The following HES7 variants were observed in gnomAD, a reference collection of about 807,000 sequenced individuals.
HES7 encodes the protein hes family bHLH transcription factor 7.
A neutral mutation model predicts 18.0 loss-of-function variants in HES7; 8 were observed. That is an observed-to-expected ratio of 0.45 (90% CI 0.26 to 0.80). HES7 has a LOEUF of 0.80. Among genes scored for constraint, HES7 ranks in the 30% least tolerant of loss-of-function variants. The pLI is 0.18. For missense variants in HES7, 356 were observed against 340.9 expected (o/e 1.04, Z -0.35); for synonymous variants, 170 against 158.6 (o/e 1.07, Z -0.54).
At chr17:8,125,221 G>A (rs1372175092), upstream of HES7, among the ~76,000 whole-genome samples, 1 of 152,204 alleles carries the variant, frequency 6.6e-6, no homozygotes, top group Non-Finnish European at 1.5e-5. Flanking sequence ...CGGAAAGACA[G>A]GGTTGCAGAC....
At chr17:8,124,666 C>T (rs1483229678), upstream of HES7, among the ~76,000 whole-genome samples, 1 of 152,166 alleles carries the variant, frequency 6.6e-6, no homozygotes, top group Non-Finnish European at 1.5e-5. Flanking sequence ...GCCCACTCTG[C>T]GGACAGGGCA....
chr17:8,123,178 G>A lies in HES7; in HGVS notation c.43-52C>T. On this transcript the variant is annotated intron_variant, in intron 1 of 3. Transcript: ENST00000541682. The surrounding 1 kb of genome is among the most constrained non-coding windows in gnomAD (Gnocchi z 5.9). Reference sequence around the variant, plus strand: ...GGCCGACCAGACCGAGACTCAGTGCGGCCGCCCCGGCGTCGGATCCCGCCG... The same window carrying A: ...GGCCGACCAGACCGAGACTCAGTGCAGCCGCCCCGGCGTCGGATCCCGCCG... 1.4e-6 allele frequency: 2 copies of A among 1,426,446 alleles called. No individual in the cohort carries two copies. The highest frequency in any genetic ancestry group is 1.9e-6 in the Non-Finnish European group (2 of 1,038,444). The allele number at this position is 1,426,446 out of a possible 1,614,324, so 88.4% of individuals were successfully genotyped here.
rs1248352722 is a variant in HES7 at position 8,120,990 on chromosome 17, G to A, written c.*581C>T. 4 of 152,716 alleles carry A rather than the reference G, an allele frequency of 2.6e-5. No homozygotes were observed. Among genetic ancestry groups the A allele is most frequent in the Admixed American group, 6.5e-5 (1 of 15,280 alleles). 9.5% of individuals were successfully genotyped at this position (152,716 alleles called of 1,614,324 possible). A position where few individuals can be genotyped will look rare whatever the true frequency, so the allele number is the denominator to read the frequency against. On this transcript the variant is annotated 3_prime_UTR_variant, in exon 4 of 4. Transcript: ENST00000541682. Reference sequence around the variant, plus strand: ...ACGAATAGAGCAATTCAAAGGTTGTGGGTTCGAATCCCACCAGAGTCGATT... The same window carrying A: ...ACGAATAGAGCAATTCAAAGGTTGTAGGTTCGAATCCCACCAGAGTCGATT...
Position 8,121,945 on chromosome 17 carries a change from G to A in HES7, c.319C>T (p.Arg107Cys), listed in dbSNP as rs754563797. The A allele has an allele frequency of 6.4e-7, 1 of 1,560,460 alleles. No homozygotes were observed. The highest frequency in any genetic ancestry group is 2.4e-5 in the East Asian group (1 of 41,448). ...GCGTCGTGCGCGAAGGCCGCCAAGCGAAGCAGGCACTCGCGGAAACCGGAC... is the reference window on the plus strand; with the variant it reads ...GCGTCGTGCGCGAAGGCCGCCAAGCAAAGCAGGCACTCGCGGAAACCGGAC... Reference protein sequence around the residue: ...YLSGFRECLLRLAAFAHDASP... With the variant: ...YLSGFRECLLCLAAFAHDASP... Residue 107 changes from arginine to cysteine, a missense_variant, in exon 4 of 4, where the codon CGC becomes TGC. Coordinates refer to ENST00000541682, the MANE Select transcript of HES7 (RefSeq NM_001165967.2).
chr17:8,125,721 G>A (rs3027275), upstream of HES7, among the ~76,000 whole-genome samples: 258 of 152,316 alleles, frequency 1.7e-3, 2 homozygotes, highest in Non-Finnish European at 2.1e-3. Flanking sequence ...TCTCAGATAG[G>A]ATCCCCGCAG....
Position 8,123,604 on chromosome 17 carries a change from C to T in HES7, c.42+439G>A, listed in dbSNP as rs1981475280. On this transcript the variant is annotated intron_variant, in intron 1 of 3. Coordinates refer to ENST00000541682, the MANE Select transcript of HES7 (RefSeq NM_001165967.2). The surrounding 1 kb of genome is among the most constrained non-coding windows in gnomAD (Gnocchi z 5.9). Reference sequence around the variant, plus strand: ...TTCTCCACGGTTCTCCTAAAATCTTCCACCAGTCTGGGGCCTCTGGAACCA... The same window carrying T: ...TTCTCCACGGTTCTCCTAAAATCTTTCACCAGTCTGGGGCCTCTGGAACCA... 1 of 316,140 alleles carries T rather than the reference C, an allele frequency of 3.2e-6. No individual in the cohort carries two copies. The highest frequency in any genetic ancestry group is 5.9e-6 in the Non-Finnish European group (1 of 168,436). 19.6% of individuals were successfully genotyped at this position (316,140 alleles called of 1,614,324 possible). A position where few individuals can be genotyped will look rare whatever the true frequency, so the allele number is the denominator to read the frequency against.
At chr17:8,125,782 C>T (rs1016192873), upstream of HES7, among the ~76,000 whole-genome samples, 3 of 152,198 alleles carry the variant, frequency 2.0e-5, no homozygotes, top group African/African-American at 7.2e-5. Flanking sequence ...TCGCCTGCCA[C>T]GCGGGAGGCC....
Position 8,122,310 on chromosome 17 carries a change from C to T in HES7, c.226+33G>A. 1.4e-6 allele frequency: 2 copies of T among 1,381,206 alleles called. No homozygotes were observed. The highest frequency in any genetic ancestry group is 2.0e-6 in the Non-Finnish European group (2 of 992,130). The allele number at this position is 1,381,206 out of a possible 1,614,324, so 85.6% of individuals were successfully genotyped here. ...GCCGGAGCCTCCTGGCGTCCCCCCT[C>T]CCTCCCTCCGCTGCCCCACCCCCGC... is the stretch of plus-strand genomic sequence containing the variant. On this transcript the variant is annotated intron_variant, in intron 3 of 3. Coordinates refer to ENST00000541682, the MANE Select transcript of HES7 (RefSeq NM_001165967.2). The surrounding 1 kb of genome is among the most constrained non-coding windows in gnomAD (Gnocchi z 6.9).
At chr17:8,125,746 G>A (rs1212580835), upstream of HES7, among the ~76,000 whole-genome samples, 1 of 152,218 alleles carries the variant, frequency 6.6e-6, no homozygotes, top group Non-Finnish European at 1.5e-5. Flanking sequence ...TTTAAGCCGC[G>A]CATTGGTGGT....
rs1020894950 is a variant in HES7, at chr17:8,120,942, G to T, written c.*629C>A. ...CGTCGGGTGGCTCTGTGGCGCAATG[G>T]ATAGCGCATTGGACTTCTAGTGACG... On this transcript the variant is annotated 3_prime_UTR_variant, in exon 4 of 4. Transcript: ENST00000541682. The T allele has an allele frequency of 6.5e-6, 1 of 152,714 alleles. No homozygotes were observed. Among genetic ancestry groups the T allele is most frequent in the Admixed American group, 6.5e-5 (1 of 15,288 alleles). The allele number at this position is 152,714 out of a possible 1,614,324, so 9.5% of individuals were successfully genotyped here. A position where few individuals can be genotyped will look rare whatever the true frequency, so the allele number is the denominator to read the frequency against.
Position 8,123,168 on chromosome 17 carries a change from G to C in HES7, c.43-42C>G, listed in dbSNP as rs1400156991. On this transcript the variant is annotated intron_variant, in intron 1 of 3. Transcript: ENST00000541682. This position sits in a 1 kb window ranked among gnomAD's most constrained non-coding sequence, Gnocchi z 5.9. ...AAGGAGAGCGGGCCGACCAGACCGA[G>C]ACTCAGTGCGGCCGCCCCGGCGTCG... is the stretch of plus-strand genomic sequence containing the variant. 2 of 1,486,512 alleles carry C rather than the reference G, an allele frequency of 1.3e-6. No homozygotes were observed. Among genetic ancestry groups the C allele is most frequent in the Admixed American group, 3.8e-5 (2 of 52,648 alleles). The allele number at this position is 1,486,512 out of a possible 1,614,324, so 92.1% of individuals were successfully genotyped here.
chr17:8,124,144 GC>G (rs1397818024), upstream of HES7: 24 of 1,608,226 alleles, frequency 1.5e-5, no homozygotes, highest in Non-Finnish European at 1.9e-5. Flanking sequence ...ATATTCCGCG[GC>G]CCAAGGGTAG....
rs759224101 is a variant in HES7 at position 8,122,468 on chromosome 17, G to A, written c.139-38C>T. The A allele has an allele frequency of 1.4e-6, 2 of 1,407,178 alleles. No homozygotes were observed. Among genetic ancestry groups the A allele is most frequent in the South Asian group, 1.2e-5 (1 of 81,172 alleles). The allele number at this position is 1,407,178 out of a possible 1,614,324, so 87.2% of individuals were successfully genotyped here. Reference sequence around the variant, plus strand: ...GGGGAGGGCGCAGAGACAGAAAGGGGTGGGGAGAAAGGGGGAAAGTGGCAG... The same window carrying A: ...GGGGAGGGCGCAGAGACAGAAAGGGATGGGGAGAAAGGGGGAAAGTGGCAG... On this transcript the variant is annotated intron_variant, in intron 2 of 3. Transcript: ENST00000541682. The surrounding 1 kb of genome is among the most constrained non-coding windows in gnomAD (Gnocchi z 6.9).
rs547738244 is a variant in HES7 at position 8,122,880 on chromosome 17, G to T, written c.138+151C>A. ...AGAAGATCGCGTTCTGAGAGCGAGT[G>T]GGGGTCTGGGATGGAATTCCAAAGG... is the stretch of plus-strand genomic sequence containing the variant. On this transcript the variant is annotated intron_variant, in intron 2 of 3. Coordinates refer to ENST00000541682, the MANE Select transcript of HES7 (RefSeq NM_001165967.2). This position sits in a 1 kb window ranked among gnomAD's most constrained non-coding sequence, Gnocchi z 6.9. The T allele has an allele frequency of 2.8e-6, 2 of 710,160 alleles. No individual in the cohort carries two copies. The highest frequency in any genetic ancestry group is 2.0e-5 in the Admixed American group (1 of 48,994). 44.0% of individuals were successfully genotyped at this position (710,160 alleles called of 1,614,324 possible).
chr17:8,124,229 G>A (rs555508164), upstream of HES7: 91 of 955,096 alleles, frequency 9.5e-5, 1 homozygote, highest in South Asian at 1.2e-3. Context: ...GAGGCTCCCG[G>A]AAAGAGGAGG....
At position 8,122,968 on chromosome 17, in the gene HES7, G is replaced by T. The variant is rs954644488; in HGVS notation, c.138+63C>A. The stretch of plus-strand genomic sequence containing the variant: ...CAACCAAGCTTGTGTCCCCACCCCA[G>T]TGGGAAGCCCTGGGACGCGGAAACG... On this transcript the variant is annotated intron_variant, in intron 2 of 3. Coordinates refer to ENST00000541682, the MANE Select transcript of HES7 (RefSeq NM_001165967.2). This position sits in a 1 kb window ranked among gnomAD's most constrained non-coding sequence, Gnocchi z 6.9. 9.5e-6 allele frequency: 13 copies of T among 1,365,834 alleles called. No individual in the cohort carries two copies. Among genetic ancestry groups the T allele is most frequent in the Non-Finnish European group, 1.3e-5 (13 of 977,214 alleles). 84.6% of individuals were successfully genotyped at this position (1,365,834 alleles called of 1,614,324 possible). A position where few individuals can be genotyped will look rare whatever the true frequency, so the allele number is the denominator to read the frequency against.
chr17:8,123,078 T>C lies in HES7; in HGVS notation c.91A>G (p.Ser31Gly). The change falls in exon 2 of 4, where the codon AGC (serine) becomes GGC (glycine). Residue 31 changes from serine to glycine, a missense_variant. Ser to Gly is a moderately conservative substitution (Grantham distance 56). Coordinates refer to ENST00000541682, the MANE Select transcript of HES7 (RefSeq NM_001165967.2). This position sits in a 1 kb window ranked among gnomAD's most constrained non-coding sequence, Gnocchi z 5.9. ...EKRRRDRINR[S>G]LEELRLLLLE... ...AGCAGCAGCCTCAGCTCTTCCAGGC[T>C]GCGGTTGATGCGGTCCCGGCGCCGC... is the stretch of plus-strand genomic sequence containing the variant. 6.2e-7 allele frequency: 1 copy of C among 1,606,830 alleles called. No individual in the cohort carries two copies. Among genetic ancestry groups the C allele is most frequent in the Admixed American group, 1.7e-5 (1 of 59,310 alleles).
upstream of HES7, among the ~76,000 whole-genome samples, chr17:8,125,600 C>G (rs921350528): frequency 1.3e-5 from 2 of 152,192 alleles, no homozygotes; most frequent in African/African-American, 4.8e-5. Context: ...GCCCGGTGGC[C>G]GGATCCGGAC....
At chr17:8,125,363 C>T (rs1165719526), upstream of HES7, among the ~76,000 whole-genome samples, 2 of 152,168 alleles carry the variant, frequency 1.3e-5, no homozygotes. Flanking sequence ...AGGCACAGAC[C>T]TTGAGGAGGG....
Sources: gnomAD v4.1 joint callset for allele counts (sites outside exome capture counted in the v4.1 genomes callset) on GRCh38, gnomAD v4.1.1 for gene constraint, Gnocchi (gnomAD v3.1) non-coding constraint, MANE v1.5 for transcripts, NCBI Gene and HGNC (gene_info 2026-07-23, HGNC 2026-07-21) for gene names.